Variants in PHKG2 observed in about 807,000 individuals in gnomAD.
The protein encoded by PHKG2 is phosphorylase kinase catalytic subunit gamma 2, also known as phosphorylase b kinase gamma catalytic chain, liver/testis isoform.
Under a neutral mutation model 44.5 loss-of-function variants are expected in PHKG2, and 28 were observed. The ratio of observed to expected loss-of-function variants is 0.63; its 90% CI spans 0.47 to 0.86. The LOEUF (loss-of-function observed/expected upper bound fraction) is 0.86. PHKG2 is among the 40% of genes least tolerant of loss of function. The pLI is 0.00. For synonymous variants in PHKG2, 220 were observed against 211.2 expected, an observed-to-expected ratio of 1.04 and a Z score of -0.36; for missense variants, 498 against 547.5, an observed-to-expected ratio of 0.91 and a Z score of 0.90.
At chr16:30,751,766 C>T in intron 4 of PHKG2, 163 bp downstream of exon 4, 2 of 771,618 alleles carry the variant, frequency 2.6e-6, no homozygotes, top group South Asian at 1.4e-5. Context: ...CTCTGGCCTT[C>T]TCCCTTGGTG....
At position 30,758,876 on chromosome 16, in the gene PHKG2, G is replaced by A. The variant is rs1446848937; in HGVS notation, c.*1779G>A. Reference sequence around the variant, plus strand: ...CAGCTGTGCTTTTATCTGTCATCTTGGACTTCTGCATAAGGGATCATTTAG... The same window carrying A: ...CAGCTGTGCTTTTATCTGTCATCTTAGACTTCTGCATAAGGGATCATTTAG... On this transcript the variant is annotated 3_prime_UTR_variant, in exon 10 of 10. Transcript: ENST00000563588. 1 of 1,425,090 alleles carries A rather than the reference G, an allele frequency of 7.0e-7. No individual in the cohort carries two copies. Among genetic ancestry groups the A allele is most frequent in the Non-Finnish European group, 9.4e-7 (1 of 1,068,044 alleles). 88.3% of individuals were successfully genotyped at this position (1,425,090 alleles called of 1,614,324 possible). A position where few individuals can be genotyped will look rare whatever the true frequency, so the allele number is the denominator to read the frequency against.
chr16:30,751,680 G>GCCCA, intron 4 of PHKG2, 77 bp downstream of exon 4: 1 of 1,197,548 alleles, frequency 8.4e-7, no homozygotes, highest in Non-Finnish European at 1.3e-6. Flanking sequence ...GGTGCAGTGG[G>GCCCA]CTGGACCCAT....
chr16:30,753,171 G>A (rs1487093494), intron 4 of PHKG2, 61 bp from the exon 5 acceptor site: 2 of 1,275,782 alleles, frequency 1.6e-6, no homozygotes, highest in African/African-American at 2.9e-5. Flanking sequence ...ATGAGCACTG[G>A]TCTGTTTTCT....
Position 30,757,389 on chromosome 16 carries a change from T to C in PHKG2, c.*292T>C. On this transcript the variant is annotated 3_prime_UTR_variant, in exon 10 of 10. Coordinates refer to ENST00000563588, the MANE Select transcript of PHKG2 (RefSeq NM_000294.3). ...AACAGGTGTCCTGTGTCTGTCTGGC[T>C]TGGGCAGGAAAGCCCAGAAGGTGCT... 3 of 1,546,126 alleles carry C rather than the reference T, an allele frequency of 1.9e-6. No homozygotes were observed. Among genetic ancestry groups the C allele is most frequent in the Non-Finnish European group, 2.6e-6 (3 of 1,146,618 alleles).
In PHKG2 at chr16:30,760,061, G is replaced by C; in HGVS notation, c.*2964G>C. The C allele has an allele frequency of 1.3e-6, 2 of 1,530,106 alleles. No individual in the cohort carries two copies. Among genetic ancestry groups the C allele is most frequent in the Non-Finnish European group, 1.7e-6 (2 of 1,143,942 alleles). The allele number at this position is 1,530,106 out of a possible 1,614,324, so 94.8% of individuals were successfully genotyped here. A position where few individuals can be genotyped will look rare whatever the true frequency, so the allele number is the denominator to read the frequency against. On this transcript the variant is annotated 3_prime_UTR_variant, in exon 10 of 10. Coordinates refer to ENST00000563588, the MANE Select transcript of PHKG2 (RefSeq NM_000294.3). Reference sequence around the variant, plus strand: ...GTTATTGTGCACTATGCATATATTTGCATATATTATTTCTCAGAACAGTCC... The same window carrying C: ...GTTATTGTGCACTATGCATATATTTCCATATATTATTTCTCAGAACAGTCC...
intron 4 of PHKG2, chr16:30,751,829 C>CA: frequency 1.7e-6 from 1 of 571,636 alleles, no homozygotes; most frequent in Non-Finnish European, 3.2e-6. Context: ...TGCAGTGGCT[C>CA]ACGCCTGTAA....
chr16:30,754,322 C>T (rs763385975), intron 6 of PHKG2, among the ~76,000 whole-genome samples: 1 of 152,200 alleles, frequency 6.6e-6, no homozygotes, highest in South Asian at 2.1e-4. Flanking sequence ...CCCACCACTA[C>T]GCCTGGCTCA....
At chr16:30,753,797 G>C (rs1037243327) in intron 6 of PHKG2, among the ~76,000 whole-genome samples, 1 of 152,192 alleles carries the variant, frequency 6.6e-6, no homozygotes, top group African/African-American at 2.4e-5. Flanking sequence ...CAGAGGGCCA[G>C]GCCAGGGGAA....
At position 30,759,842 on chromosome 16, in the gene PHKG2, T is replaced by C; in HGVS notation, c.*2745T>C. ...AGCAGACAGATCTGGGTTTCAGCAC[T>C]GGCTTGTTTCCTTAACTCATGTAAC... On this transcript the variant is annotated 3_prime_UTR_variant, in exon 10 of 10. Transcript: ENST00000563588. 1 of 1,477,904 alleles carries C rather than the reference T, an allele frequency of 6.8e-7. No homozygotes were observed. Among genetic ancestry groups the C allele is most frequent in the South Asian group, 1.4e-5 (1 of 70,052 alleles). 91.5% of individuals were successfully genotyped at this position (1,477,904 alleles called of 1,614,324 possible). A position where few individuals can be genotyped will look rare whatever the true frequency, so the allele number is the denominator to read the frequency against.
rs2053299564 is a variant in PHKG2, at chr16:30,749,076, GTGGTGGTGGTGGTGCTGCTGCTGC to G, written c.95+164_95+187del. Among the ~76,000 whole-genome samples, 25 of 28,562 alleles carry G rather than the reference GTGGTGGTGGTGGTGCTGCTGCTGC, an allele frequency of 8.8e-4. 5 individuals are homozygous for G. The highest frequency in any genetic ancestry group is 1.2e-3 in the Non-Finnish European group (15 of 12,618). The allele number at this position is 28,562 out of a possible 152,430, so 18.7% of individuals were successfully genotyped here. A position where few individuals can be genotyped will look rare whatever the true frequency, so the allele number is the denominator to read the frequency against. On this transcript the variant is annotated intron_variant, in intron 2 of 9. Transcript: ENST00000563588. ...GGTGGTGGTGGTGGTGGTGGTGGTG[GTGGTGGTGGTGGTGCTGCTGCTGC>G]TGCTGCTGCTGGTGGTGCTGGTGCT... is the stretch of plus-strand genomic sequence containing the variant.
intron 1 of PHKG2, 116 bp from the exon 2 acceptor site, chr16:30,748,687 C>T (rs1199358160): frequency 9.0e-6 from 3 of 332,430 alleles, no homozygotes; most frequent in South Asian, 5.5e-5. Context: ...CACCCCCCCC[C>T]ACCCCCCAGG....
Position 30,756,396 on chromosome 16 carries a change from TC to T in PHKG2, c.679del (p.Leu227TrpfsTer14). On this transcript the variant is annotated frameshift_variant, in exon 8 of 10. Coordinates refer to ENST00000563588, the MANE Select transcript of PHKG2 (RefSeq NM_000294.3). LOFTEE classifies it high-confidence loss of function. ...GCCTGTGGGGTGATCTTGTTCACAC[TC>T]CTGGCTGGCTCGCCACCCTTCTGGC... ...LWACGVILFT[L>X]LAGSPPFWHR... 6.2e-7 allele frequency: 1 copy of T among 1,614,092 alleles called. No individual in the cohort carries two copies. Among genetic ancestry groups the T allele is most frequent in the Non-Finnish European group, 8.5e-7 (1 of 1,180,032 alleles).
intron 6 of PHKG2, 77 bp from the exon 7 acceptor site, chr16:30,756,105 G>A: frequency 9.3e-7 from 1 of 1,078,406 alleles, no homozygotes; most frequent in South Asian, 1.2e-5. Flanking sequence ...GCGTTGAGGA[G>A]GCTCCAGCAG....
At position 30,756,292 on chromosome 16, in the gene PHKG2, C is replaced by G. The variant is rs756191235; in HGVS notation, c.647+20C>G. ...CGACCTGTGAGTTCCTGGTCTCCCCCTCCCTCCCGTGCTTGCTGTCCTTTG... is the reference window on the plus strand; with the variant it reads ...CGACCTGTGAGTTCCTGGTCTCCCCGTCCCTCCCGTGCTTGCTGTCCTTTG... On this transcript the variant is annotated intron_variant, in intron 7 of 9. Transcript: ENST00000563588. 1.9e-6 allele frequency: 3 copies of G among 1,613,808 alleles called. No homozygotes were observed. The Admixed American group carries it at 5.0e-5, about 27-fold the overall frequency.
Position 30,760,493 on chromosome 16 carries a change from T to C in PHKG2, c.*3396T>C, listed in dbSNP as rs2053683970. The C allele has an allele frequency of 1.2e-6, 2 of 1,612,198 alleles. No individual in the cohort carries two copies. The highest frequency in any genetic ancestry group is 1.7e-6 in the Non-Finnish European group (2 of 1,178,896). ...AGGAGTGAGTGACAACTGGGCCTCC[T>C]TTCATCACCCTACACCCACCACATG... On this transcript the variant is annotated 3_prime_UTR_variant, in exon 10 of 10. Transcript: ENST00000563588.
intron 4 of PHKG2, 73 bp from the exon 5 acceptor site, chr16:30,753,159 G>C: frequency 5.1e-6 from 6 of 1,169,124 alleles, no homozygotes; most frequent in Non-Finnish European, 7.7e-6. Context: ...ACAATATTTT[G>C]TATGAGCACT....
chr16:30,751,329 TGCTG>T, intron 3 of PHKG2, 48 bp downstream of exon 3: 1 of 1,585,538 alleles, frequency 6.3e-7, no homozygotes, highest in Non-Finnish European at 8.6e-7. Flanking sequence ...CCCCACCTCC[TGCTG>T]GCCCTGCCCA....
In PHKG2 at chr16:30,759,533, A is replaced by G. The variant is rs1212441428; in HGVS notation, c.*2436A>G. On this transcript the variant is annotated 3_prime_UTR_variant, in exon 10 of 10. Transcript: ENST00000563588. ...GCTTTGCCTCCAAAAGCCCAGCAACAGGAGCAAGGAGAGCCCACTGGGGTC... is the reference window on the plus strand; with the variant it reads ...GCTTTGCCTCCAAAAGCCCAGCAACGGGAGCAAGGAGAGCCCACTGGGGTC... The G allele has an allele frequency of 6.2e-7, 1 of 1,614,186 alleles. No individual in the cohort carries two copies. Among genetic ancestry groups the G allele is most frequent in the South Asian group, 1.1e-5 (1 of 91,086 alleles).
At chr16:30,755,630 C>G (rs1260295522) in intron 6 of PHKG2, among the ~76,000 whole-genome samples, 1 of 151,954 alleles carries the variant, frequency 6.6e-6, no homozygotes, top group Non-Finnish European at 1.5e-5. Context: ...GAGCCGAGAT[C>G]ATGCCATTGT....
Sources: gnomAD v4.1 joint callset for allele counts (sites outside exome capture counted in the v4.1 genomes callset) on GRCh38, gnomAD v4.1.1 for gene constraint, MANE v1.5 for transcripts, NCBI Gene and HGNC (gene_info 2026-07-23, HGNC 2026-07-21) for gene names.